ROBO1: variants seen among roughly 807,000 people sequenced by gnomAD.
The protein encoded by ROBO1 is roundabout homolog 1.
ROBO1 carries 149 observed loss-of-function variants against 195.9 expected under a neutral mutation model. The ratio of observed to expected loss-of-function variants is 0.76; its 90% CI spans 0.67 to 0.87. The LOEUF (loss-of-function observed/expected upper bound fraction) is 0.87, where lower values mean the gene tolerates loss of function less well. Ranked by LOEUF, ROBO1 falls within the 40% of genes least tolerant of loss-of-function variation. The probability of loss-of-function intolerance (pLI) is 0.00; values close to 1 mark genes in which losing one functional copy is unlikely to be tolerated. For missense variants in ROBO1, 1,933 were observed against 2,068.3 expected, an observed-to-expected ratio of 0.93 and a Z score of 1.27; for synonymous variants, 816 against 733.2, an observed-to-expected ratio of 1.11 and a Z score of -1.82.
chr3:79,172,200 A>T (rs940885480), intron 2 of ROBO1, among the ~76,000 whole-genome samples: 2 of 152,168 alleles, frequency 1.3e-5, no homozygotes, highest in Non-Finnish European at 2.9e-5. Context: ...CAAAATATTT[A>T]TCAGATGAAA....
chr3:78,688,741 G>A lies in ROBO1; in HGVS notation c.1077C>T (p.Asp359=). Residue 359 remains aspartate, a synonymous_variant, in exon 9 of 31, where the codon GAC becomes GAT. Coordinates refer to ENST00000464233, the MANE Select transcript of ROBO1 (RefSeq NM_002941.4). ...CAGTCCGTCCCAAAGCAACAACCTG[G>A]TCACGGGGTTTCACAACAAAATGTG... ...EPPHFVVKPR[D]QVVALGRTVT... The A allele has an allele frequency of 6.2e-7, 1 of 1,609,498 alleles. No individual in the cohort carries two copies. Among genetic ancestry groups the A allele is most frequent in the Non-Finnish European group, 8.5e-7 (1 of 1,177,816 alleles).
chr3:79,624,972 A>C (rs1291340842), intron 1 of ROBO1, among the ~76,000 whole-genome samples: 5 of 152,200 alleles, frequency 3.3e-5, no homozygotes, highest in Admixed American at 1.3e-4. Flanking sequence ...CAACAAATGC[A>C]AAAGAACTGA....
At chr3:78,920,306 T>A (rs2107591728) in intron 4 of ROBO1, among the ~76,000 whole-genome samples, 1 of 152,076 alleles carries the variant, frequency 6.6e-6, no homozygotes, top group African/African-American at 2.4e-5. Context: ...ATGGACAATT[T>A]TTTTTTTCTT....
intron 1 of ROBO1, among the ~76,000 whole-genome samples, chr3:79,765,007 C>A (rs1704908361): frequency 6.6e-6 from 1 of 151,960 alleles, no homozygotes; most frequent in African/African-American, 2.4e-5. Flanking sequence ...AGAGTAGAGC[C>A]CAGAAGATGG....
At chr3:79,279,051 A>G (rs1362250767) in intron 2 of ROBO1, among the ~76,000 whole-genome samples, 2 of 152,100 alleles carry the variant, frequency 1.3e-5, no homozygotes, top group Admixed American at 1.3e-4. Context: ...AAGCAGGCAG[A>G]TCACCTGAGG....
intron 16 of ROBO1, 110 bp from the exon 17 acceptor site, chr3:78,659,917 G>GTT: frequency 1.8e-6 from 1 of 542,646 alleles, no homozygotes; most frequent in South Asian, 3.7e-5. Flanking sequence ...ATCAATATAT[G>GTT]CTTTTTTTTT....
intron 2 of ROBO1, among the ~76,000 whole-genome samples, chr3:79,524,085 T>G (rs1941327607): frequency 6.6e-6 from 1 of 152,074 alleles, no homozygotes; most frequent in African/African-American, 2.4e-5. Context: ...AGACGCATAA[T>G]GGGATAGGAG....
chr3:79,269,878 A>C (rs1352450713), intron 2 of ROBO1, among the ~76,000 whole-genome samples: 1 of 151,746 alleles, frequency 6.6e-6, no homozygotes, highest in East Asian at 1.9e-4. Flanking sequence ...TCACTTTACA[A>C]ATACTTCGGT....
intron 1 of ROBO1, among the ~76,000 whole-genome samples, chr3:79,614,712 G>A (rs1004664007): frequency 5.3e-5 from 8 of 151,904 alleles, no homozygotes; most frequent in Admixed American, 1.3e-4. Flanking sequence ...GAAAGAATAT[G>A]TACATATTTG....
intron 4 of ROBO1, among the ~76,000 whole-genome samples, chr3:78,748,734 GA>G (rs1266072633): frequency 5.3e-5 from 8 of 151,692 alleles, no homozygotes; most frequent in Non-Finnish European, 1.0e-4. Context: ...TCACATCCAT[GA>G]AAAAAATCCC....
At chr3:78,706,375 T>C (rs1192578081) in intron 8 of ROBO1, among the ~76,000 whole-genome samples, 2 of 152,128 alleles carry the variant, frequency 1.3e-5, no homozygotes, top group African/African-American at 4.8e-5. Flanking sequence ...GAAAGGAGGC[T>C]AGTATCATCA....
At chr3:78,616,758 C>T (rs1467282540) in intron 27 of ROBO1, among the ~76,000 whole-genome samples, 1 of 152,026 alleles carries the variant, frequency 6.6e-6, no homozygotes, top group Non-Finnish European at 1.5e-5. Context: ...TATAAACACA[C>T]AAAAATATGT....
intron 3 of ROBO1, among the ~76,000 whole-genome samples, chr3:79,072,386 AAT>A (rs750036631): frequency 1.3e-4 from 20 of 151,910 alleles, no homozygotes; most frequent in East Asian, 5.8e-4. Context: ...TGAAAATCCT[AAT>A]ATATATTACT....
chr3:79,596,358 T>G (rs927011362), intron 1 of ROBO1, among the ~76,000 whole-genome samples: 2 of 152,004 alleles, frequency 1.3e-5, no homozygotes, highest in African/African-American at 4.8e-5. Context: ...GGGATTAAGT[T>G]GGTGACACAA....
At chr3:79,170,053 C>G (rs1003256641) in intron 2 of ROBO1, among the ~76,000 whole-genome samples, 1 of 152,098 alleles carries the variant, frequency 6.6e-6, no homozygotes, top group Non-Finnish European at 1.5e-5. Flanking sequence ...CACTCTTGGT[C>G]TTTAACAACA....
chr3:78,772,898 C>G (rs929712980), intron 4 of ROBO1, among the ~76,000 whole-genome samples: 1 of 151,990 alleles, frequency 6.6e-6, no homozygotes, highest in Non-Finnish European at 1.5e-5. Context: ...AGGATTCCAT[C>G]CTAGGTTTGT....
chr3:79,335,746 T>C (rs1576991363), intron 2 of ROBO1, among the ~76,000 whole-genome samples: 1 of 151,964 alleles, frequency 6.6e-6, no homozygotes, highest in East Asian at 1.9e-4. Context: ...TACCTGAAAA[T>C]GTGGAAGCAA....
At chr3:79,418,949 A>T (rs1308507436) in intron 2 of ROBO1, among the ~76,000 whole-genome samples, 1 of 152,166 alleles carries the variant, frequency 6.6e-6, no homozygotes, top group Non-Finnish European at 1.5e-5. Flanking sequence ...TTTGTCAAGG[A>T]TGAATGATGA....
chr3:79,220,255 G>C (rs1367597720), intron 2 of ROBO1, among the ~76,000 whole-genome samples: 3 of 151,980 alleles, frequency 2.0e-5, no homozygotes, highest in Middle Eastern at 3.4e-3. Context: ...AACAACTCAG[G>C]CAGGGCAAAA....
Sources: gnomAD v4.1 joint callset for allele counts (sites outside exome capture counted in the v4.1 genomes callset) on GRCh38, gnomAD v4.1.1 for gene constraint, MANE v1.5 for transcripts, NCBI Gene and HGNC (gene_info 2026-07-23, HGNC 2026-07-21) for gene names.